The following DGKB variants were observed in gnomAD, a reference collection of about 807,000 sequenced individuals.
DGKB encodes 90 kDa diacylglycerol kinase.
Under a neutral mutation model 114.3 loss-of-function variants are expected in DGKB, and 67 were observed. That is an observed-to-expected ratio of 0.59 (90% confidence interval 0.48 to 0.72). DGKB has a LOEUF of 0.72. Among genes scored for constraint, DGKB ranks in the 30% least tolerant of loss-of-function variants. DGKB has a pLI of 0.00. For synonymous variants in DGKB, 398 were observed against 323.1 expected, an observed-to-expected ratio of 1.23 and a Z score of -2.49; for missense variants, 907 against 975.2, an observed-to-expected ratio of 0.93 and a Z score of 0.93.
intron 17 of DGKB, among the ~76,000 whole-genome samples, chr7:14,591,622 G>T (rs938500776): frequency 2.6e-4 from 40 of 152,034 alleles, no homozygotes; most frequent in African/African-American, 9.2e-4. Context: ...TAAATTCTAA[G>T]ATCCACTGCA....
At chr7:14,316,750 T>A (rs1489991986) in intron 23 of DGKB, among the ~76,000 whole-genome samples, 1 of 150,490 alleles carries the variant, frequency 6.6e-6, no homozygotes, top group Non-Finnish European at 1.5e-5. Flanking sequence ...TTCCAATCAA[T>A]AGAAAAAGAG....
chr7:14,229,185 G>A (rs1313880697), intron 23 of DGKB, among the ~76,000 whole-genome samples: 2 of 151,890 alleles, frequency 1.3e-5, no homozygotes, highest in African/African-American at 4.8e-5. Context: ...TCTATATTGT[G>A]TTTATAATAT....
Position 14,176,716 on chromosome 7 carries a change from C to T in DGKB, c.2304+123G>A, listed in dbSNP as rs1162179931. ...TCTGACACACACATAACAACAACAA[C>T]AAAAAGACTATTTGCTGATAGGTTG... On this transcript the variant is annotated intron_variant, in intron 25 of 25. Coordinates refer to ENST00000402815, the MANE Select transcript of DGKB (RefSeq NM_001350709.2). The T allele has an allele frequency of 4.7e-6, 7 of 1,489,530 alleles. No homozygotes were observed. The African/African-American group carries it at 8.6e-5, about 18-fold the overall frequency. 92.3% of individuals were successfully genotyped at this position (1,489,530 alleles called of 1,614,324 possible).
At chr7:14,912,985 G>A (rs559455306) in intron 1 of DGKB, among the ~76,000 whole-genome samples, 3 of 151,900 alleles carry the variant, frequency 2.0e-5, no homozygotes, top group Admixed American at 6.6e-5. Context: ...TGTGGTTCTC[G>A]TCAAGTGCCC....
chr7:14,932,351 G>T (rs1416710429), intron 1 of DGKB, among the ~76,000 whole-genome samples: 2 of 152,062 alleles, frequency 1.3e-5, no homozygotes, highest in Non-Finnish European at 2.9e-5. Flanking sequence ...ATAATGTATT[G>T]AAAGTGTGAT....
chr7:14,170,771 A>T (rs1275018125), intron 25 of DGKB, among the ~76,000 whole-genome samples: 1 of 152,168 alleles, frequency 6.6e-6, no homozygotes. Flanking sequence ...TGTATTTTAA[A>T]GTTATGGTGG....
upstream of DGKB, among the ~76,000 whole-genome samples, chr7:14,906,035 A>T (rs969147795): frequency 6.6e-6 from 1 of 152,162 alleles, no homozygotes; most frequent in African/African-American, 2.4e-5. Context: ...CCTGTCCTTA[A>T]GATTCCTCCA....
At chr7:14,269,299 A>T (rs1240275375) in intron 23 of DGKB, 1 of 152,210 alleles carries the variant, frequency 6.6e-6, no homozygotes, top group Non-Finnish European at 1.5e-5. Flanking sequence ...ATTAGCAGTG[A>T]GCCACTGCGT....
At chr7:14,292,454 G>A (rs144802510) in intron 23 of DGKB, among the ~76,000 whole-genome samples, 8 of 152,086 alleles carry the variant, frequency 5.3e-5, no homozygotes, top group African/African-American at 1.4e-4. Context: ...TTCACATCTC[G>A]GATTGACTAC....
At chr7:14,363,445 G>A (rs573241564) in intron 21 of DGKB, among the ~76,000 whole-genome samples, 6 of 152,186 alleles carry the variant, frequency 3.9e-5, no homozygotes, top group African/African-American at 1.4e-4. Context: ...TATTTTATGA[G>A]AGATTGTGAT....
Position 14,692,144 on chromosome 7 carries a change from T to G in DGKB, c.711+1931A>C, listed in dbSNP as rs573335974. ...TTCACAAATATCTATATTTATAAAT[T>G]AAATAATAAATAATATATCAGCAGT... On this transcript the variant is annotated intron_variant, in intron 9 of 25. Transcript: ENST00000402815. Among the ~76,000 whole-genome samples, 3 of 151,904 alleles carry G rather than the reference T, an allele frequency of 2.0e-5. No homozygotes were observed. In the South Asian group the frequency reaches 6.2e-4, roughly 31 times the overall value.
chr7:14,862,323 G>T (rs781122521), intron 1 of DGKB, among the ~76,000 whole-genome samples: 16 of 151,972 alleles, frequency 1.1e-4, no homozygotes, highest in Non-Finnish European at 2.4e-4. Context: ...GACACTAAAT[G>T]TTACCCTCTT....
At chr7:14,566,269 G>A (rs1031126011) in intron 20 of DGKB, among the ~76,000 whole-genome samples, 1 of 151,966 alleles carries the variant, frequency 6.6e-6, no homozygotes, top group Non-Finnish European at 1.5e-5. Flanking sequence ...TACTCATATG[G>A]CTTCACAAGT....
intron 20 of DGKB, among the ~76,000 whole-genome samples, chr7:14,550,335 T>C (rs752531570): frequency 1.3e-5 from 2 of 152,148 alleles, no homozygotes; most frequent in Non-Finnish European, 2.9e-5. Flanking sequence ...ATAGCTGAAA[T>C]TACATTTGCA....
chr7:14,950,578 A>T (rs1786133822), intron 1 of DGKB, among the ~76,000 whole-genome samples: 2 of 152,036 alleles, frequency 1.3e-5, no homozygotes, highest in Non-Finnish European at 2.9e-5. Flanking sequence ...AGAAAATCCA[A>T]ATAGACCTAT....
intron 21 of DGKB, among the ~76,000 whole-genome samples, chr7:14,423,422 T>A (rs532848340): frequency 6.6e-6 from 1 of 152,182 alleles, no homozygotes; most frequent in East Asian, 1.9e-4. Context: ...TTAAGAGGTT[T>A]TAAACGGTCT....
At chr7:14,783,701 T>C (rs1839450199) in intron 2 of DGKB, among the ~76,000 whole-genome samples, 1 of 152,186 alleles carries the variant, frequency 6.6e-6, no homozygotes, top group African/African-American at 2.4e-5. Context: ...CAATTACCTT[T>C]CTCCACAGAC....
At chr7:14,742,356 T>C (rs1832699546) in intron 4 of DGKB, among the ~76,000 whole-genome samples, 1 of 152,222 alleles carries the variant, frequency 6.6e-6, no homozygotes, top group Admixed American at 6.5e-5. Flanking sequence ...GCACTCTAAT[T>C]AATTGGCCTA....
At chr7:14,226,357 G>A (rs919125238) in intron 23 of DGKB, among the ~76,000 whole-genome samples, 1 of 151,898 alleles carries the variant, frequency 6.6e-6, no homozygotes, top group Non-Finnish European at 1.5e-5. Context: ...AGGATTATAT[G>A]TAAGCAAAAT....
Sources: gnomAD v4.1 joint callset for allele counts (sites outside exome capture counted in the v4.1 genomes callset) on GRCh38, gnomAD v4.1.1 for gene constraint, MANE v1.5 for transcripts, NCBI Gene and HGNC (gene_info 2026-07-23, HGNC 2026-07-21) for gene names.